Variants in ARFGEF1 observed in about 807,000 individuals in gnomAD.
ARFGEF1 encodes ARF guanine nucleotide exchange factor 1, also known as brefeldin A-inhibited guanine nucleotide-exchange protein 1.
ARFGEF1 carries 42 observed loss-of-function variants against 231.0 expected under a neutral mutation model. The ratio of observed to expected loss-of-function variants is 0.18; its 90% CI spans 0.14 to 0.24. The LOEUF is 0.24. ARFGEF1 is among the 10% of genes least tolerant of loss of function. The probability of loss-of-function intolerance (pLI) is 1.00; values close to 1 mark genes in which losing one functional copy is unlikely to be tolerated. For missense variants in ARFGEF1, 1,345 were observed against 2,192.0 expected (o/e 0.61, Z 7.72); for synonymous variants, 710 against 732.3 (o/e 0.97, Z 0.49).
intron 5 of ARFGEF1, among the ~76,000 whole-genome samples, chr8:67,190,483 A>C (rs747381737): frequency 3.9e-5 from 6 of 152,188 alleles, no homozygotes; most frequent in Admixed American, 6.5e-5. Context: ...ATGATTGTAC[A>C]ACTCTGTAAA....
In ARFGEF1 at chr8:67,227,454, G is replaced by A. The variant is rs1253162847; in HGVS notation, c.3736C>T (p.Arg1246Trp). ...FLRPFEHIMK[R>W]NRSPTIRDMV... The stretch of plus-strand genomic sequence containing the variant: ...ATTCAACAAATATAGTACCTGTTCC[G>A]TTTCATTATATGTTCAAAAGGTCTT... The change falls in exon 26 of 39, where the codon CGG becomes TGG. Residue 1246 changes from arginine to tryptophan, a missense_variant. By Grantham distance (101) the Arg-to-Trp change is moderately radical. Coordinates refer to ENST00000262215, the MANE Select transcript of ARFGEF1 (RefSeq NM_006421.5). 6.8e-6 allele frequency: 11 copies of A among 1,612,112 alleles called. No homozygotes were observed. Among genetic ancestry groups the A allele is most frequent in the Admixed American group, 6.7e-5 (4 of 59,846 alleles).
At chr8:67,310,491 G>A (rs1340822639) in intron 1 of ARFGEF1, among the ~76,000 whole-genome samples, 2 of 152,242 alleles carry the variant, frequency 1.3e-5, no homozygotes, top group Non-Finnish European at 2.9e-5. Context: ...CCAAAGTGCC[G>A]AGATTGGAGC....
At chr8:67,327,077 G>A (rs1364906093) in intron 1 of ARFGEF1, among the ~76,000 whole-genome samples, 1 of 152,098 alleles carries the variant, frequency 6.6e-6, no homozygotes, top group Non-Finnish European at 1.5e-5. Flanking sequence ...TCACTATGAG[G>A]TTGACTTGCT....
At position 67,333,126 on chromosome 8, in the gene ARFGEF1, C is replaced by G. The variant is rs544241165; in HGVS notation, c.124+10038G>C. 2.0e-5 allele frequency among the ~76,000 whole-genome samples: 3 copies of G among 151,612 alleles called. No individual in the cohort carries two copies. In the South Asian group the frequency reaches 6.3e-4, roughly 32 times the overall value. On this transcript the variant is annotated intron_variant, in intron 1 of 38. Coordinates refer to ENST00000262215, the MANE Select transcript of ARFGEF1 (RefSeq NM_006421.5). ...TCTCAGCTTACTGCAACCTCCACCT[C>G]CCGGGATCAAGCGATTCTCCTGCCT...
rs1468139759 is a variant in ARFGEF1, at chr8:67,257,811, G to A, written c.2447C>T (p.Thr816Ile). 1 of 1,602,314 alleles carries A rather than the reference G, an allele frequency of 6.2e-7. No homozygotes were observed. Among genetic ancestry groups the A allele is most frequent in the Non-Finnish European group, 8.5e-7 (1 of 1,176,766 alleles). Residue 816 changes from threonine to isoleucine, a missense_variant, in exon 17 of 39, where the codon ACT becomes ATT. Physicochemically the swap from Thr to Ile is moderately conservative, Grantham distance 89. This residue lies in a region of ARFGEF1 where 58 missense variants were observed against 133.6 expected (regional missense o/e 0.43). Transcript: ENST00000262215. ...AGCTGTATCCGCACTAGCAAAGAGA[G>A]TTTGTCTGGAAAAATAAATGTATCA... ...ARYLECNQGQ[T>I]LFASADTAYV...
intron 1 of ARFGEF1, 59 bp downstream of exon 1, chr8:67,343,105 G>GCCCC: frequency 2.1e-6 from 1 of 483,916 alleles, no homozygotes; most frequent in Non-Finnish European, 3.2e-6. Context: ...CCCCCCACAG[G>GCCCC]CGCCCCCCTC....
chr8:67,333,076 G>A (rs1451084867), intron 1 of ARFGEF1, among the ~76,000 whole-genome samples: 1 of 132,988 alleles, frequency 7.5e-6, no homozygotes, highest in Non-Finnish European at 1.6e-5. Flanking sequence ...TCACTCTGTT[G>A]CCAGGCAGGA....
Position 67,266,129 on chromosome 8 carries a change from G to A in ARFGEF1, c.2000C>T (p.Ser667Phe). The A allele has an allele frequency of 6.2e-7, 1 of 1,613,680 alleles. No homozygotes were observed. The highest frequency in any genetic ancestry group is 8.5e-7 in the Non-Finnish European group (1 of 1,179,828). The change falls in exon 14 of 39, where the codon TCC becomes TTC. Residue 667 changes from serine (S) to phenylalanine (F), a missense_variant. This residue lies in a region of ARFGEF1 where 105 missense variants were observed against 159.3 expected (regional missense o/e 0.66). Transcript: ENST00000262215. ...TCCTGATGATGATGTTGACTCCAGG[G>A]AATTTAAACTTCCGTATCTGTTTAT... ...ETINRYGSLN[S>F]LESTSSSGIG...
At chr8:67,276,212 TC>T in intron 8 of ARFGEF1, 103 bp from the exon 9 acceptor site, 1 of 1,307,466 alleles carries the variant, frequency 7.6e-7, no homozygotes, top group Non-Finnish European at 1.1e-6. Context: ...AGGTGGAGAT[TC>T]CCCCACTGTT....
Position 67,343,554 on chromosome 8 carries a change from G to A in ARFGEF1, c.-267C>T. 8.8e-7 allele frequency: 1 copy of A among 1,140,502 alleles called. No homozygotes were observed. The highest frequency in any genetic ancestry group is 1.1e-6 in the Non-Finnish European group (1 of 928,656). 70.6% of individuals were successfully genotyped at this position (1,140,502 alleles called of 1,614,324 possible). A position where few individuals can be genotyped will look rare whatever the true frequency, so the allele number is the denominator to read the frequency against. ...GGGCCTCCGCTTCTCCCGGCCCGGG[G>A]GTCGCGTCCCGGCCGCCCCTCTCAC... On this transcript the variant is annotated 5_prime_UTR_variant, in exon 1 of 39. Coordinates refer to ENST00000262215, the MANE Select transcript of ARFGEF1 (RefSeq NM_006421.5).
chr8:67,298,550 C>A (rs1806341160), intron 4 of ARFGEF1, among the ~76,000 whole-genome samples: 1 of 152,030 alleles, frequency 6.6e-6, no homozygotes, highest in South Asian at 2.1e-4. Context: ...CTAGAGGGGT[C>A]ACAGCTTTAA....
chr8:67,323,846 G>A (rs979113694), intron 1 of ARFGEF1, among the ~76,000 whole-genome samples: 1 of 151,700 alleles, frequency 6.6e-6, no homozygotes, highest in African/African-American at 2.4e-5. Flanking sequence ...TGTTGCCCAG[G>A]CTGAAGTGCA....
intron 17 of ARFGEF1, among the ~76,000 whole-genome samples, chr8:67,255,091 G>C (rs1840412824): frequency 6.6e-6 from 1 of 152,202 alleles, no homozygotes; most frequent in Non-Finnish European, 1.5e-5. Flanking sequence ...GCAGAGAAAA[G>C]TCTTGACAGA....
chr8:67,285,557 A>G (rs1805722148), intron 7 of ARFGEF1, among the ~76,000 whole-genome samples: 1 of 152,076 alleles, frequency 6.6e-6, no homozygotes, highest in Non-Finnish European at 1.5e-5. Flanking sequence ...ATAAATTTTC[A>G]TATCATCTCC....
At chr8:67,317,737 A>T (rs1807387330) in intron 1 of ARFGEF1, among the ~76,000 whole-genome samples, 1 of 150,434 alleles carries the variant, frequency 6.6e-6, no homozygotes, top group African/African-American at 2.5e-5. Context: ...TGAAACTATT[A>T]AAAATATAAA....
chr8:67,258,817 TTA>T, intron 15 of ARFGEF1, among the ~76,000 whole-genome samples: 1 of 116,940 alleles, frequency 8.6e-6, no homozygotes, highest in Non-Finnish European at 1.6e-5. Flanking sequence ...AAAGCAGATT[TTA>T]CACACACACA....
intron 19 of ARFGEF1, among the ~76,000 whole-genome samples, chr8:67,249,002 T>G (rs935320573): frequency 1.3e-5 from 2 of 150,374 alleles, no homozygotes; most frequent in Admixed American, 1.3e-4. Flanking sequence ...TCCCTTAATA[T>G]TATACATTGC....
chr8:67,282,944 C>A (rs1203014725), intron 7 of ARFGEF1, among the ~76,000 whole-genome samples: 2 of 150,154 alleles, frequency 1.3e-5, no homozygotes, highest in African/African-American at 4.9e-5. Flanking sequence ...ATACACTGAA[C>A]AAGGAATAAT....
chr8:67,272,755 G>T (rs1055987815), intron 9 of ARFGEF1, among the ~76,000 whole-genome samples: 7 of 151,900 alleles, frequency 4.6e-5, no homozygotes, highest in African/African-American at 9.7e-5. Context: ...TTACTTTTTC[G>T]GTAACCATTT....
Sources: allele counts gnomAD v4.1 joint callset (sites outside exome capture counted in the v4.1 genomes callset), GRCh38; gene constraint gnomAD v4.1.1; regional missense constraint gnomAD v4.1.1; transcripts MANE v1.5; gene names NCBI Gene and HGNC (gene_info 2026-07-23, HGNC 2026-07-21).